Variants in NEDD8 observed in about 807,000 individuals in gnomAD.
NEDD8 encodes the protein NEDD8 ubiquitin like modifier.
In NEDD8, 1 loss-of-function variant was observed where a neutral mutation model predicts 13.8. The ratio of observed to expected loss-of-function variants is 0.07; its 90% CI spans 0.03 to 0.34. The LOEUF (loss-of-function observed/expected upper bound fraction) is 0.34, where lower values mean the gene tolerates loss of function less well. Among genes scored for constraint, NEDD8 ranks in the 10% least tolerant of loss-of-function variants. The pLI is 0.99. For synonymous variants in NEDD8, 31 were observed against 33.2 expected (o/e 0.93, Z 0.23); for missense variants, 10 against 95.2 (o/e 0.10, Z 3.73).
At chr14:24,231,088 G>A (rs911644250) in intron 1 of NEDD8, among the ~76,000 whole-genome samples, 2 of 151,294 alleles carry the variant, frequency 1.3e-5, no homozygotes, top group Admixed American at 6.6e-5. Flanking sequence ...GCAGGGTTTC[G>A]CCATGTTGCC....
At chr14:24,232,072 C>T in intron 1 of NEDD8, 178 bp downstream of exon 1, 1 of 944,526 alleles carries the variant, frequency 1.1e-6, no homozygotes, top group Non-Finnish European at 1.5e-6. Context: ...GGACCTGGGC[C>T]CCGCTCTCAA....
chr14:24,223,726 GA>G (rs1176882280), intron 1 of NEDD8, among the ~76,000 whole-genome samples: 55 of 138,676 alleles, frequency 4.0e-4, no homozygotes, highest in Non-Finnish European at 6.1e-4. Flanking sequence ...TTCTTTTTTG[GA>G]AAAAAAAAAA....
At chr14:24,218,312 C>G in intron 2 of NEDD8, 72 bp downstream of exon 2, 2 of 1,613,950 alleles carry the variant, frequency 1.2e-6, no homozygotes, top group Admixed American at 3.3e-5. Context: ...AGCAAAAGGA[C>G]CAAGTTCATA....
At chr14:24,220,577 C>T (rs2039789289) in intron 1 of NEDD8, among the ~76,000 whole-genome samples, 1 of 152,230 alleles carries the variant, frequency 6.6e-6, no homozygotes, top group Admixed American at 6.5e-5. Context: ...CTGCCTCGGC[C>T]TCCCAAAGAG....
chr14:24,217,129 A>G lies in NEDD8; in HGVS notation c.244T>C (p.Ter82ArgextTer13). ...AAAGAGGTAAAATGGAGGGTCCATC[A>G]CTGCCTAAGACCACCTCCTCCTCTC... The part of the protein sequence containing the change: ...ALRGGGGLRQ[*>R] Residue 82 changes from the stop codon to arginine, a stop_lost, in exon 4 of 4, where the codon TGA (stop) becomes CGA (arginine). Transcript: ENST00000250495. 6.2e-7 allele frequency: 1 copy of G among 1,611,444 alleles called. No homozygotes were observed. Among genetic ancestry groups the G allele is most frequent in the Non-Finnish European group, 8.5e-7 (1 of 1,178,524 alleles).
At position 24,218,423 on chromosome 14, in the gene NEDD8, G is replaced by C. The variant is rs201497984; in HGVS notation, c.27C>G (p.Thr9=). 3.7e-6 allele frequency: 6 copies of C among 1,614,104 alleles called. No homozygotes were observed. Among genetic ancestry groups the C allele is most frequent in the East Asian group, 2.2e-5 (1 of 44,888 alleles). The change falls in exon 2 of 4, where the codon ACC becomes ACG. Residue 9 remains threonine, a synonymous_variant. Transcript: ENST00000250495. ...CAATGTCAATCTCAATCTCCTTTCC[G>C]GTCAGCGTCTGAAACAGGCAATGGT... MLIKVKTL[T]GKEIEIDIEP...
chr14:24,227,644 C>T (rs1005825340), intron 1 of NEDD8: 3 of 152,090 alleles, frequency 2.0e-5, no homozygotes, highest in African/African-American at 7.2e-5. Context: ...GATTAATACA[C>T]GAGATGGGTA....
chr14:24,229,366 T>C (rs542607549), intron 1 of NEDD8, among the ~76,000 whole-genome samples: 17 of 152,306 alleles, frequency 1.1e-4, no homozygotes, highest in South Asian at 6.2e-4. Context: ...ACTACAGGTG[T>C]GTGCCACCAC....
At chr14:24,218,275 G>T in intron 2 of NEDD8, 60 bp from the exon 3 acceptor site, 1 of 1,613,846 alleles carries the variant, frequency 6.2e-7, no homozygotes, top group South Asian at 1.1e-5. Flanking sequence ...GAAACGGAAA[G>T]AACAAGGGCT....
At chr14:24,224,540 T>C (rs1277414302) in intron 1 of NEDD8, among the ~76,000 whole-genome samples, 1 of 152,212 alleles carries the variant, frequency 6.6e-6, no homozygotes, top group Non-Finnish European at 1.5e-5. Context: ...ACAATCAAAA[T>C]TTCAAATCTT....
chr14:24,218,575 G>A (rs561789511), intron 1 of NEDD8, 144 bp from the exon 2 acceptor site: 1 of 1,128,522 alleles, frequency 8.9e-7, no homozygotes, highest in Non-Finnish European at 1.3e-6. Context: ...GAATGAGAAG[G>A]CTTTGAACAT....
chr14:24,220,340 G>A (rs1162104524), intron 1 of NEDD8, among the ~76,000 whole-genome samples: 1 of 151,884 alleles, frequency 6.6e-6, no homozygotes, highest in South Asian at 2.1e-4. Flanking sequence ...ATTTTTTTAA[G>A]AGACAGGGTC....
chr14:24,232,143 G>C, intron 1 of NEDD8, 107 bp downstream of exon 1: 1 of 1,567,306 alleles, frequency 6.4e-7, no homozygotes, highest in African/African-American at 1.3e-5. Context: ...GGCAGTCAGC[G>C]TCCTCCAGGC....
At chr14:24,226,039 C>CA (rs1228074409) in intron 1 of NEDD8, among the ~76,000 whole-genome samples, 7,379 of 105,668 alleles carry the variant, frequency 0.07, 483 homozygotes, top group East Asian at 0.37. Flanking sequence ...ACTCCATCTC[C>CA]AAAAAAAAAA....
intron 1 of NEDD8, chr14:24,227,076 C>G (rs1021151684): frequency 6.6e-6 from 1 of 152,166 alleles, no homozygotes; most frequent in Non-Finnish European, 1.5e-5. Flanking sequence ...AAAAATTGTA[C>G]ATTCAATAAT....
rs567194044 is a variant in NEDD8 at position 24,231,471 on chromosome 14, G to A, written c.18+779C>T. 3.3e-5 allele frequency among the ~76,000 whole-genome samples: 3 copies of A among 90,338 alleles called. No individual in the cohort carries two copies. In the South Asian group the frequency reaches 1.3e-3, roughly 38 times the overall value. 59.3% of individuals were successfully genotyped at this position (90,338 alleles called of 152,430 possible). On this transcript the variant is annotated intron_variant, in intron 1 of 3. Coordinates refer to ENST00000250495, the MANE Select transcript of NEDD8 (RefSeq NM_006156.3). ...TAGCATTAGACTTCACTTGTCAGCAGTTTTGTTTTTTTGAGGGGGGCGTGG... is the reference window on the plus strand; with the variant it reads ...TAGCATTAGACTTCACTTGTCAGCAATTTTGTTTTTTTGAGGGGGGCGTGG...
chr14:24,217,313 A>G (rs1248648334), intron 3 of NEDD8, 90 bp from the exon 4 acceptor site: 25 of 1,098,990 alleles, frequency 2.3e-5, no homozygotes, highest in Non-Finnish European at 3.2e-5. Flanking sequence ...TGTTTTTGAC[A>G]GAGTCTCGCT....
intron 1 of NEDD8, among the ~76,000 whole-genome samples, chr14:24,222,466 CATT>C (rs2039823807): frequency 6.6e-6 from 1 of 152,104 alleles, no homozygotes; most frequent in Non-Finnish European, 1.5e-5. Flanking sequence ...ATTTTAATTA[CATT>C]ATTATGCTTT....
chr14:24,222,024 G>A (rs911020578), intron 1 of NEDD8, among the ~76,000 whole-genome samples: 1 of 152,122 alleles, frequency 6.6e-6, no homozygotes, highest in Non-Finnish European at 1.5e-5. Flanking sequence ...TCTAGAGCTG[G>A]CCCTTTGTTT....
Sources: allele counts gnomAD v4.1 joint callset (sites outside exome capture counted in the v4.1 genomes callset), GRCh38; gene constraint gnomAD v4.1.1; transcripts MANE v1.5; gene names NCBI Gene and HGNC (gene_info 2026-07-23, HGNC 2026-07-21).